Variants in CHRM3 observed in about 807,000 individuals in gnomAD.
CHRM3 encodes the protein cholinergic receptor muscarinic 3.
A neutral mutation model predicts 41.8 loss-of-function variants in CHRM3; 11 were observed. The observed-to-expected ratio is 0.26, with a 90% CI of 0.17 to 0.44. The LOEUF is 0.44. Among genes scored for constraint, CHRM3 ranks in the 20% least tolerant of loss-of-function variants. CHRM3 has a pLI of 1.00. For missense variants in CHRM3, 571 were observed against 745.4 expected, an observed-to-expected ratio of 0.77 and a Z score of 2.72; for synonymous variants, 297 against 301.4, an observed-to-expected ratio of 0.99 and a Z score of 0.15.
At chr1:239,418,239 G>A (rs1382119658) in intron 1 of CHRM3, among the ~76,000 whole-genome samples, 3 of 152,126 alleles carry the variant, frequency 2.0e-5, no homozygotes, top group Non-Finnish European at 2.9e-5. Flanking sequence ...AAAGAATGCT[G>A]ACATTCTGCT....
chr1:239,694,861 T>C (rs1256056775), intron 5 of CHRM3, among the ~76,000 whole-genome samples: 2 of 152,198 alleles, frequency 1.3e-5, no homozygotes, highest in Non-Finnish European at 2.9e-5. Context: ...TAATACAGGC[T>C]ACACTTTTAT....
At chr1:239,848,581 G>C (rs1234680770) in intron 6 of CHRM3, among the ~76,000 whole-genome samples, 1 of 152,022 alleles carries the variant, frequency 6.6e-6, no homozygotes, top group Non-Finnish European at 1.5e-5. Flanking sequence ...AATGGAAATT[G>C]AGGCACAGAC....
At chr1:239,470,708 C>T (rs1666056647) in intron 1 of CHRM3, among the ~76,000 whole-genome samples, 1 of 152,212 alleles carries the variant, frequency 6.6e-6, no homozygotes, top group African/African-American at 2.4e-5. Context: ...TAGCCAACTG[C>T]ATTGTTTCTT....
At chr1:239,590,673 G>A (rs1469813422) in intron 3 of CHRM3, among the ~76,000 whole-genome samples, 1 of 152,042 alleles carries the variant, frequency 6.6e-6, no homozygotes, top group Non-Finnish European at 1.5e-5. Context: ...TTTTAAACTT[G>A]AAGTTCCTTA....
At chr1:239,641,588 C>T (rs1159414789) in intron 4 of CHRM3, among the ~76,000 whole-genome samples, 7 of 146,906 alleles carry the variant, frequency 4.8e-5, no homozygotes, top group Non-Finnish European at 9.0e-5. Flanking sequence ...GGATTGCAAC[C>T]CCTGCCTTTT....
At chr1:239,813,921 A>AAAAAAAAAAAAAAAAAG (rs1671352139) in intron 5 of CHRM3, among the ~76,000 whole-genome samples, 1 of 148,902 alleles carries the variant, frequency 6.7e-6, no homozygotes, top group African/African-American at 2.5e-5. Flanking sequence ...CGTCTCAAAA[A>AAAAAAAAAAAAAAAAAG]AAAAAAAAAA....
chr1:239,693,445 A>G (rs1033700239), intron 5 of CHRM3, among the ~76,000 whole-genome samples: 1 of 152,150 alleles, frequency 6.6e-6, no homozygotes, highest in Non-Finnish European at 1.5e-5. Flanking sequence ...ACCAGAAACC[A>G]AATTGGCTGA....
chr1:239,810,547 A>G (rs1671038643), intron 5 of CHRM3, among the ~76,000 whole-genome samples: 1 of 152,196 alleles, frequency 6.6e-6, no homozygotes, highest in South Asian at 2.1e-4. Context: ...TGTGTTTAGG[A>G]TTCAAGAATT....
At chr1:239,695,154 G>T (rs1660068307) in intron 5 of CHRM3, among the ~76,000 whole-genome samples, 2 of 152,060 alleles carry the variant, frequency 1.3e-5, no homozygotes, top group South Asian at 4.1e-4. Flanking sequence ...GGGACTACAG[G>T]CGCATGCCAC....
rs1041427814 is a variant in CHRM3 at position 239,555,964 on chromosome 1, A to C, written c.-313+10215A>C. On this transcript the variant is annotated intron_variant, in intron 3 of 6. Transcript: ENST00000676153. The stretch of plus-strand genomic sequence containing the variant: ...TGCTGAGATGGTTTTCGAACTAGAA[A>C]GTAAATCAATCATTTTTAGTGATCT... Among the ~76,000 whole-genome samples, 6 of 152,210 alleles carry C rather than the reference A, an allele frequency of 3.9e-5. 1 individual carries two copies. The highest frequency in any genetic ancestry group is 7.3e-5 in the Non-Finnish European group (5 of 68,036).
chr1:239,590,995 T>C (rs926374953), intron 3 of CHRM3, among the ~76,000 whole-genome samples: 8 of 152,102 alleles, frequency 5.3e-5, no homozygotes, highest in African/African-American at 1.9e-4. Context: ...ATGGAAACAG[T>C]CTCCCCATCA....
chr1:239,572,638 C>G (rs1365869857), intron 3 of CHRM3, among the ~76,000 whole-genome samples: 2 of 152,212 alleles, frequency 1.3e-5, no homozygotes, highest in East Asian at 3.9e-4. Context: ...AGGTATTTGC[C>G]ATATTGTAAC....
intron 5 of CHRM3, among the ~76,000 whole-genome samples, chr1:239,739,433 T>C (rs1396094057): frequency 1.3e-5 from 2 of 152,180 alleles, no homozygotes; most frequent in Non-Finnish European, 2.9e-5. Context: ...ATTGCATAGC[T>C]GTTGAAACTT....
intron 5 of CHRM3, among the ~76,000 whole-genome samples, chr1:239,760,073 C>T (rs1342007474): frequency 7.7e-6 from 1 of 129,538 alleles, no homozygotes; most frequent in African/African-American, 2.9e-5. Context: ...CGCCACCACA[C>T]CCGGCTAATT....
At chr1:239,631,349 C>G (rs1171230046) in intron 3 of CHRM3, among the ~76,000 whole-genome samples, 1 of 152,182 alleles carries the variant, frequency 6.6e-6, no homozygotes, top group African/African-American at 2.4e-5. Context: ...ACATGCACCT[C>G]TAGGATCCTT....
At chr1:239,570,304 G>C (rs762007226) in intron 3 of CHRM3, among the ~76,000 whole-genome samples, 23 of 152,234 alleles carry the variant, frequency 1.5e-4, no homozygotes, top group Non-Finnish European at 2.9e-4. Context: ...TGCCATGACT[G>C]TAAGTTTCCT....
chr1:239,771,654 TTATAA>T (rs1214663135), intron 5 of CHRM3, among the ~76,000 whole-genome samples: 2 of 152,200 alleles, frequency 1.3e-5, no homozygotes, highest in South Asian at 4.1e-4. Flanking sequence ...GCAGATAGTA[TTATAA>T]TATATCAAGC....
At position 239,907,349 on chromosome 1, in the gene CHRM3, A is replaced by G. The variant is rs529620995; in HGVS notation, c.-19-84A>G. The G allele has an allele frequency of 6.5e-4, 671 of 1,027,992 alleles. 1 individual carries two copies. The highest frequency in any genetic ancestry group is 1.2e-3 in the Admixed American group (48 of 41,176). The allele number at this position is 1,027,992 out of a possible 1,614,324, so 63.7% of individuals were successfully genotyped here. Reference sequence around the variant, plus strand: ...TTCAGCACCCTGTAATAGGCCTTCCATGTCTTTTAACGTATGTAATGCAAA... The same window carrying G: ...TTCAGCACCCTGTAATAGGCCTTCCGTGTCTTTTAACGTATGTAATGCAAA... On this transcript the variant is annotated intron_variant, in intron 6 of 6. Coordinates refer to ENST00000676153, the MANE Select transcript of CHRM3 (RefSeq NM_001375978.1). This position sits in a 1 kb window ranked among gnomAD's most constrained non-coding sequence, Gnocchi z 5.4.
At position 239,874,508 on chromosome 1, in the gene CHRM3, A is replaced by G. The variant is rs112892824; in HGVS notation, c.-19-32925A>G. On this transcript the variant is annotated intron_variant, in intron 6 of 6. Coordinates refer to ENST00000676153, the MANE Select transcript of CHRM3 (RefSeq NM_001375978.1). Reference sequence around the variant, plus strand: ...GGCCAACTGTGGGACTTGAGTGAGTATTTGAGGATTTTGGTATCTGCAGGG... The same window carrying G: ...GGCCAACTGTGGGACTTGAGTGAGTGTTTGAGGATTTTGGTATCTGCAGGG... Among the ~76,000 whole-genome samples the G allele has an allele frequency of 3.0e-3, 454 of 151,184 alleles. 3 individuals carry two copies. The highest frequency in any genetic ancestry group is 0.011 in the African/African-American group (441 of 41,164).
Sources: gnomAD v4.1 joint callset for allele counts (sites outside exome capture counted in the v4.1 genomes callset) on GRCh38, gnomAD v4.1.1 for gene constraint, Gnocchi (gnomAD v3.1) non-coding constraint, MANE v1.5 for transcripts, NCBI Gene and HGNC (gene_info 2026-07-23, HGNC 2026-07-21) for gene names.